HMGCLL1: variants seen among roughly 807,000 people sequenced by gnomAD.
HMGCLL1 encodes 3-hydroxymethyl-3-methylglutaryl-CoA lyase, cytoplasmic.
A neutral mutation model predicts 39.1 loss-of-function variants in HMGCLL1; 36 were observed. The ratio of observed to expected loss-of-function variants is 0.92; its 90% CI spans 0.71 to 1.22. The LOEUF is 1.22. HMGCLL1 is among the 50% of genes most tolerant of loss of function. The pLI is 0.00. For synonymous variants in HMGCLL1, 149 were observed against 144.0 expected, an observed-to-expected ratio of 1.03 and a Z score of -0.25; for missense variants, 451 against 416.5, an observed-to-expected ratio of 1.08 and a Z score of -0.72.
At chr6:55,557,575 A>G (rs1195378702) in intron 1 of HMGCLL1, among the ~76,000 whole-genome samples, 2 of 151,986 alleles carry the variant, frequency 1.3e-5, no homozygotes, top group African/African-American at 4.8e-5. Flanking sequence ...TACCGGCTTT[A>G]TTATACTTTC....
At chr6:55,579,794 G>A, upstream of HMGCLL1, among the ~76,000 whole-genome samples, 1 of 152,102 alleles carries the variant, frequency 6.6e-6, no homozygotes, top group East Asian at 1.9e-4. Context: ...AAGCCCTAAG[G>A]ACTAGATTTA....
chr6:55,581,743 T>A (rs188749487), upstream of HMGCLL1, among the ~76,000 whole-genome samples: 4 of 152,130 alleles, frequency 2.6e-5, no homozygotes, highest in East Asian at 7.8e-4. Flanking sequence ...AACTACGAAG[T>A]GAGTAAGTGC....
chr6:55,492,113 C>T (rs916012037), intron 7 of HMGCLL1, among the ~76,000 whole-genome samples: 2 of 152,172 alleles, frequency 1.3e-5, no homozygotes, highest in South Asian at 4.1e-4. Flanking sequence ...CAGTCTGAAG[C>T]ACTGTAAACT....
chr6:55,550,718 A>C (rs1770281546), intron 1 of HMGCLL1, among the ~76,000 whole-genome samples: 1 of 151,808 alleles, frequency 6.6e-6, no homozygotes, highest in Non-Finnish European at 1.5e-5. Context: ...GGCAACCTGC[A>C]GCAGTGTAAT....
the HMGCLL1 span, among the ~76,000 whole-genome samples, chr6:55,601,855 C>A: frequency 6.6e-6 from 1 of 152,076 alleles, no homozygotes; most frequent in African/African-American, 2.4e-5. Flanking sequence ...ATATTTCAAA[C>A]ATAAGTAATA....
intron 7 of HMGCLL1, among the ~76,000 whole-genome samples, chr6:55,480,486 G>T (rs557240587): frequency 6.6e-6 from 1 of 151,756 alleles, no homozygotes; most frequent in African/African-American, 2.4e-5. Context: ...AGGATGTGGA[G>T]AAAAAGGGAA....
At chr6:55,619,224 T>G in the HMGCLL1 span, among the ~76,000 whole-genome samples, 1 of 152,108 alleles carries the variant, frequency 6.6e-6, no homozygotes, top group Non-Finnish European at 1.5e-5. Context: ...TCATGTTTGG[T>G]CTGTGCACTC....
At chr6:55,577,117 G>A (rs1368343129) in intron 1 of HMGCLL1, 1 of 1,612,216 alleles carries the variant, frequency 6.2e-7, no homozygotes, top group Non-Finnish European at 8.5e-7. Flanking sequence ...AGGAGACTGA[G>A]AAGCCAGAGA....
intron 3 of HMGCLL1, among the ~76,000 whole-genome samples, chr6:55,530,131 G>T: frequency 6.6e-6 from 1 of 151,912 alleles, no homozygotes; most frequent in Non-Finnish European, 1.5e-5. Flanking sequence ...TTCTTACTAC[G>T]TATTATAAGC....
chr6:55,569,902 T>C (rs866205713), intron 1 of HMGCLL1, among the ~76,000 whole-genome samples: 2 of 152,144 alleles, frequency 1.3e-5, no homozygotes, highest in South Asian at 2.1e-4. Context: ...GGAATCAAAA[T>C]GTGAACAGCC....
chr6:55,541,635 T>G, intron 3 of HMGCLL1, 94 bp downstream of exon 3: 3 of 664,806 alleles, frequency 4.5e-6, no homozygotes, highest in Non-Finnish European at 8.0e-6. Flanking sequence ...TATGGAAAAT[T>G]AGTAATTATA....
chr6:55,570,729 G>A (rs905419128), intron 1 of HMGCLL1, among the ~76,000 whole-genome samples: 10 of 152,036 alleles, frequency 6.6e-5, no homozygotes, highest in African/African-American at 2.4e-4. Flanking sequence ...TCATAAAAGG[G>A]GCTTATTATT....
At chr6:55,646,745 G>T in the HMGCLL1 span, among the ~76,000 whole-genome samples, 1 of 151,992 alleles carries the variant, frequency 6.6e-6, no homozygotes, top group East Asian at 1.9e-4. Flanking sequence ...ATTCCATTCT[G>T]GTTGGAGAAG....
At chr6:55,570,386 G>C (rs191342463) in intron 1 of HMGCLL1, among the ~76,000 whole-genome samples, 11 of 152,116 alleles carry the variant, frequency 7.2e-5, no homozygotes, top group Admixed American at 3.3e-4. Flanking sequence ...AGGAGAGCCT[G>C]CTTAGTCTCC....
intron 7 of HMGCLL1, among the ~76,000 whole-genome samples, chr6:55,456,653 G>T (rs919918121): frequency 6.6e-6 from 1 of 152,286 alleles, no homozygotes; most frequent in Non-Finnish European, 1.5e-5. Flanking sequence ...TAACAGCTTT[G>T]GGTGGTATCT....
At chr6:55,467,322 C>A (rs1279995474) in intron 7 of HMGCLL1, among the ~76,000 whole-genome samples, 10 of 152,052 alleles carry the variant, frequency 6.6e-5, no homozygotes, top group African/African-American at 2.4e-4. Flanking sequence ...TGAATATTTT[C>A]ATGTTTTTTT....
chr6:55,471,784 C>A (rs999285078), intron 7 of HMGCLL1, among the ~76,000 whole-genome samples: 1 of 151,540 alleles, frequency 6.6e-6, no homozygotes, highest in Non-Finnish European at 1.5e-5. Context: ...AAACACCACT[C>A]AGGTCAGAAA....
At chr6:55,466,290 C>T (rs578182276) in intron 7 of HMGCLL1, among the ~76,000 whole-genome samples, 10 of 152,040 alleles carry the variant, frequency 6.6e-5, no homozygotes, top group Non-Finnish European at 1.5e-4. Flanking sequence ...GCAGTAGTAA[C>T]TGAAGGGAAT....
rs376132344 is a variant in HMGCLL1, at chr6:55,485,266, C to T, written c.795+10153G>A. Among the ~76,000 whole-genome samples, 17 of 152,094 alleles carry T rather than the reference C, an allele frequency of 1.1e-4. No individual in the cohort carries two copies. In the East Asian group the frequency reaches 2.3e-3, roughly 21 times the overall value. The stretch of plus-strand genomic sequence containing the variant: ...CTCTATTTTTTTGCATAGCTTTTAT[C>T]GCCAATTAATATGCTCTAAAATGTA... On this transcript the variant is annotated intron_variant, in intron 7 of 8. Transcript: ENST00000274901.
Sources: gnomAD v4.1 joint callset for allele counts (sites outside exome capture counted in the v4.1 genomes callset) on GRCh38, gnomAD v4.1.1 for gene constraint, MANE v1.5 for transcripts, NCBI Gene and HGNC (gene_info 2026-07-23, HGNC 2026-07-21) for gene names.